APBB2: variants seen among roughly 807,000 people sequenced by gnomAD.
APBB2 encodes Fe65-like 1.
APBB2 carries 38 observed loss-of-function variants against 82.5 expected under a neutral mutation model. The observed-to-expected ratio is 0.46, with a 90% CI of 0.36 to 0.60. The LOEUF is 0.60. Among genes scored for constraint, APBB2 ranks in the 20% least tolerant of loss-of-function variants. The probability of loss-of-function intolerance (pLI) is 0.00; values close to 1 mark genes in which losing one functional copy is unlikely to be tolerated. For missense variants in APBB2, 772 were observed against 972.3 expected (o/e 0.79, Z 2.74); for synonymous variants, 341 against 368.2 (o/e 0.93, Z 0.85).
chr4:40,897,703 G>A (rs978237439), intron 10 of APBB2, among the ~76,000 whole-genome samples: 30 of 152,264 alleles, frequency 2.0e-4, no homozygotes, highest in Non-Finnish European at 4.3e-4. Flanking sequence ...GCGGGACTAG[G>A]CAGCTCCGCC....
At chr4:41,164,534 A>G (rs1199549927) in intron 1 of APBB2, among the ~76,000 whole-genome samples, 3 of 152,242 alleles carry the variant, frequency 2.0e-5, no homozygotes, top group African/African-American at 7.2e-5. Context: ...AGACCACAAT[A>G]GTTTCCCTTT....
chr4:41,037,942 C>T (rs1037347854), intron 4 of APBB2, among the ~76,000 whole-genome samples: 25 of 152,106 alleles, frequency 1.6e-4, no homozygotes, highest in African/African-American at 4.1e-4. Flanking sequence ...AAATGACATA[C>T]GGAGTTTAGA....
At chr4:41,050,221 C>G (rs1036348500) in intron 4 of APBB2, among the ~76,000 whole-genome samples, 1 of 152,256 alleles carries the variant, frequency 6.6e-6, no homozygotes, top group African/African-American at 2.4e-5. Context: ...GATTCTCCCT[C>G]CCTCCTAGTA....
intron 6 of APBB2, among the ~76,000 whole-genome samples, chr4:40,961,120 A>G (rs186706552): frequency 3.9e-5 from 6 of 152,244 alleles, no homozygotes; most frequent in Admixed American, 3.9e-4. Flanking sequence ...ATATTAGTGG[A>G]CTGCTACTGC....
rs76658497 is a variant in APBB2 at position 40,931,330 on chromosome 4, C to T, written c.1254+3126G>A. ...TCTGAACTCATGGACTTCTCATGGA[C>T]AGCAGTGCCTCGATTATGGCTCACT... On this transcript the variant is annotated intron_variant, in intron 10 of 17. Transcript: ENST00000508593. Among the ~76,000 whole-genome samples the T allele has an allele frequency of 1.6e-3, 241 of 152,286 alleles. 2 individuals are homozygous for T. The highest frequency in any genetic ancestry group is 5.6e-3 in the African/African-American group (231 of 41,562).
At chr4:40,843,653 C>A (rs1443562562) in intron 12 of APBB2, among the ~76,000 whole-genome samples, 2 of 152,184 alleles carry the variant, frequency 1.3e-5, no homozygotes, top group African/African-American at 2.4e-5. Context: ...TACCTCAGTA[C>A]TGAAGGAAAG....
intron 4 of APBB2, among the ~76,000 whole-genome samples, chr4:41,037,159 A>G (rs1719527670): frequency 6.6e-6 from 1 of 152,220 alleles, no homozygotes; most frequent in Non-Finnish European, 1.5e-5. Flanking sequence ...GGAACTTCTT[A>G]GGTAGGTGAG....
At chr4:40,992,495 C>T (rs190155266) in intron 6 of APBB2, among the ~76,000 whole-genome samples, 4 of 152,062 alleles carry the variant, frequency 2.6e-5, no homozygotes, top group Non-Finnish European at 2.9e-5. Flanking sequence ...CTTTTTAGTT[C>T]GCTTCAGCAG....
At chr4:41,046,060 T>C (rs1333027153) in intron 4 of APBB2, among the ~76,000 whole-genome samples, 2 of 152,212 alleles carry the variant, frequency 1.3e-5, no homozygotes, top group African/African-American at 4.8e-5. Context: ...GGTATATAGA[T>C]ACCATATATC....
At chr4:41,129,796 A>T (rs1434670896) in intron 2 of APBB2, among the ~76,000 whole-genome samples, 1 of 151,376 alleles carries the variant, frequency 6.6e-6, no homozygotes, top group Non-Finnish European at 1.5e-5. Context: ...TATATATATA[A>T]ATATATTTAT....
chr4:40,889,212 T>C (rs1018908429), intron 12 of APBB2, among the ~76,000 whole-genome samples: 1 of 152,246 alleles, frequency 6.6e-6, no homozygotes, highest in African/African-American at 2.4e-5. Flanking sequence ...AGCTCTCTCC[T>C]TTGCAGACCA....
At chr4:41,130,671 G>A (rs944723940) in intron 2 of APBB2, among the ~76,000 whole-genome samples, 10 of 152,048 alleles carry the variant, frequency 6.6e-5, no homozygotes, top group African/African-American at 2.4e-4. Flanking sequence ...CCAGCTCTGT[G>A]AGGAGCTCTT....
intron 11 of APBB2, chr4:40,890,864 C>G (rs766486261): frequency 3.0e-5 from 5 of 166,576 alleles, no homozygotes; most frequent in Non-Finnish European, 6.5e-5. Flanking sequence ...TCTCCCCATT[C>G]TTCTGGCCAG....
At position 40,826,371 on chromosome 4, in the gene APBB2, AC is replaced by A. The variant is rs1749925630; in HGVS notation, c.1733-402del. 7.3e-6 allele frequency among the ~76,000 whole-genome samples: 1 copy of A among 137,872 alleles called. No homozygotes were observed. Among genetic ancestry groups the A allele is most frequent in the Non-Finnish European group, 1.6e-5 (1 of 62,028 alleles). 90.4% of individuals were successfully genotyped at this position (137,872 alleles called of 152,430 possible). Reference sequence around the variant, plus strand: ...ACTGAGTTCCCCCAGTAATCAACCCACGTTTTTTTTTTTTTAGAGACAAGAG... The same window carrying A: ...ACTGAGTTCCCCCAGTAATCAACCCAGTTTTTTTTTTTTTAGAGACAAGAG... On this transcript the variant is annotated intron_variant, in intron 14 of 17. Transcript: ENST00000508593. This position sits in a 1 kb window ranked among gnomAD's most constrained non-coding sequence, Gnocchi z 4.5.
chr4:40,942,535 T>C (rs1198553779), intron 7 of APBB2, among the ~76,000 whole-genome samples: 1 of 152,154 alleles, frequency 6.6e-6, no homozygotes, highest in Non-Finnish European at 1.5e-5. Context: ...CCAGCTGACT[T>C]TTCTGCCTCA....
intron 6 of APBB2, among the ~76,000 whole-genome samples, chr4:40,978,757 A>T (rs1797782260): frequency 6.6e-6 from 1 of 152,194 alleles, no homozygotes; most frequent in South Asian, 2.1e-4. Context: ...TTATACTTAC[A>T]AATAAACAAG....
chr4:41,031,841 C>T (rs1716948922), intron 5 of APBB2, among the ~76,000 whole-genome samples: 1 of 152,140 alleles, frequency 6.6e-6, no homozygotes, highest in South Asian at 2.1e-4. Context: ...TTCTAAAGAA[C>T]ATACGTATTT....
chr4:41,099,632 A>G (rs1744681008), intron 3 of APBB2, among the ~76,000 whole-genome samples: 1 of 152,230 alleles, frequency 6.6e-6, no homozygotes, highest in Non-Finnish European at 1.5e-5. Context: ...CAACAGAGCT[A>G]TAAAATCCGA....
intron 8 of APBB2, 183 bp downstream of exon 8, chr4:40,934,894 G>C: frequency 1.5e-6 from 1 of 676,808 alleles, no homozygotes; most frequent in South Asian, 2.0e-5. Flanking sequence ...GGGAACCTAG[G>C]GCATTCACAA....
Sources: gnomAD v4.1 joint callset for allele counts (sites outside exome capture counted in the v4.1 genomes callset) on GRCh38, gnomAD v4.1.1 for gene constraint, Gnocchi (gnomAD v3.1) non-coding constraint, MANE v1.5 for transcripts, NCBI Gene and HGNC (gene_info 2026-07-23, HGNC 2026-07-21) for gene names.